The following USF2 variants were observed in gnomAD, a reference collection of about 807,000 sequenced individuals.
USF2 encodes upstream transcription factor 2, c-fos interacting, also known as upstream stimulatory factor 2.
A neutral mutation model predicts 46.9 loss-of-function variants in USF2; 16 were observed. The observed-to-expected ratio is 0.34, with a 90% CI of 0.23 to 0.52. The LOEUF (loss-of-function observed/expected upper bound fraction) is 0.52, where lower values mean the gene tolerates loss of function less well. Ranked by LOEUF, USF2 falls within the 20% of genes least tolerant of loss-of-function variation. USF2 has a pLI of 0.96. For synonymous variants in USF2, 239 were observed against 194.1 expected (o/e 1.23, Z -1.92); for missense variants, 411 against 474.0 (o/e 0.87, Z 1.23).
In USF2 at chr19:35,269,895, C is replaced by G. The variant is rs1197031194; in HGVS notation, c.321C>G (p.Phe107Leu). 2 of 1,401,400 alleles carry G rather than the reference C, an allele frequency of 1.4e-6. No individual in the cohort carries two copies. The highest frequency in any genetic ancestry group is 7.1e-5 in the Admixed American group (2 of 28,030). The allele number at this position is 1,401,400 out of a possible 1,614,324, so 86.8% of individuals were successfully genotyped here. A position where few individuals can be genotyped will look rare whatever the true frequency, so the allele number is the denominator to read the frequency against. ...GAVSVVSTAA[F>L]AGGQQAVTQV... Reference sequence around the variant, plus strand: ...TCAGCGTCGTGTCCACCGCTGCCTTCGCGGGGGGGCAGCAGGCTGTGACCC... The same window carrying G: ...TCAGCGTCGTGTCCACCGCTGCCTTGGCGGGGGGGCAGCAGGCTGTGACCC... The change falls in exon 4 of 10, where the codon TTC becomes TTG. Residue 107 changes from phenylalanine (F) to leucine (L), a missense_variant. Physicochemically the swap from Phe to Leu is conservative, Grantham distance 22. Around this residue, in one of 2 missense-constraint regions of USF2, gnomAD observed 318 missense variants for 322.4 expected, o/e 0.99. Transcript: ENST00000222305.
intron 1 of USF2, 119 bp from the exon 2 acceptor site, chr19:35,269,327 T>C (rs1205912510): frequency 4.8e-5 from 44 of 914,856 alleles, no homozygotes; most frequent in Middle Eastern, 5.5e-4. Context: ...GCCCCCGGCC[T>C]CGGCGGCGCC....
In USF2 at chr19:35,279,316, A is replaced by G; in HGVS notation, c.*60A>G. On this transcript the variant is annotated 3_prime_UTR_variant, in exon 10 of 10. Coordinates refer to ENST00000222305, the MANE Select transcript of USF2 (RefSeq NM_003367.4). ...GCCGGCCTCTGCTGCCCCCTTCCCC[A>G]GCCCTTAGCACAGAGAGGGACACAT... is the stretch of plus-strand genomic sequence containing the variant. 3 of 1,436,816 alleles carry G rather than the reference A, an allele frequency of 2.1e-6. No individual in the cohort carries two copies. The allele number at this position is 1,436,816 out of a possible 1,614,324, so 89.0% of individuals were successfully genotyped here.
chr19:35,278,624 C>A, intron 7 of USF2, 74 bp from the exon 8 acceptor site: 1 of 1,488,364 alleles, frequency 6.7e-7, no homozygotes, highest in Non-Finnish European at 9.4e-7. Flanking sequence ...TTGGGCTGAG[C>A]CTCTGCCCTG....
chr19:35,274,258 C>T (rs368747822), intron 7 of USF2, among the ~76,000 whole-genome samples: 62 of 152,368 alleles, frequency 4.1e-4, no homozygotes, highest in African/African-American at 1.5e-3. Flanking sequence ...GCAGCAAAAG[C>T]TACCCCTGTC....
At chr19:35,270,686 G>C (rs1026412432) in intron 5 of USF2, 32 bp from the exon 6 acceptor site, 1 of 1,613,486 alleles carries the variant, frequency 6.2e-7, no homozygotes, top group Non-Finnish European at 8.5e-7. Flanking sequence ...ACTTCACCCT[G>C]CCTTGCCACT....
chr19:35,270,421 GT>G, intron 4 of USF2, 25 bp from the exon 5 acceptor site: 1 of 1,601,400 alleles, frequency 6.2e-7, no homozygotes, highest in Non-Finnish European at 8.5e-7. Flanking sequence ...AAAGCTAAGG[GT>G]AGCCTCTGCC....
At position 35,269,567 on chromosome 19, in the gene USF2, C is replaced by T; in HGVS notation, c.110-14C>T. ...GCGCGGCCCTGACCGTGCCCCGACC[C>T]TCCTCGGCCCCAGGCGGGGACGGCC... On this transcript the variant is annotated splice_polypyrimidine_tract_variant and intron_variant, in intron 2 of 9. Coordinates refer to ENST00000222305, the MANE Select transcript of USF2 (RefSeq NM_003367.4). 6.4e-7 allele frequency: 1 copy of T among 1,573,582 alleles called. No individual in the cohort carries two copies. Among genetic ancestry groups the T allele is most frequent in the Non-Finnish European group, 8.6e-7 (1 of 1,161,478 alleles).
rs769718741 is a variant in USF2 at position 35,278,792 on chromosome 19, G to A, written c.822G>A (p.Ala274=). ...ACGCAGACAACAGCAAGACGGGAGC[G>A]GTGAGCACCCCGGACCCTCAGTGTC... ...DCNADNSKTG[A]SKGGILSKAC... The change falls in exon 8 of 10, where the codon GCG becomes GCA. Residue 274 remains alanine (A), a splice_region_variant and synonymous_variant. Coordinates refer to ENST00000222305, the MANE Select transcript of USF2 (RefSeq NM_003367.4). 16 of 1,613,968 alleles carry A rather than the reference G, an allele frequency of 9.9e-6. No homozygotes were observed. The highest frequency in any genetic ancestry group is 1.7e-5 in the Admixed American group (1 of 60,012).
At chr19:35,269,424 C>A in intron 1 of USF2, 22 bp from the exon 2 acceptor site, 1 of 1,484,658 alleles carries the variant, frequency 6.7e-7, no homozygotes, top group Non-Finnish European at 8.9e-7. Context: ...GCTGACCCTG[C>A]TCCCTCCTGT....
At position 35,269,545 on chromosome 19, in the gene USF2, C is replaced by T. The variant is rs555094179; in HGVS notation, c.110-36C>T. 241 of 1,557,044 alleles carry T rather than the reference C, an allele frequency of 1.5e-4. 1 individual carries two copies. In the African/African-American group the frequency reaches 2.6e-3, roughly 17 times the overall value. ...CGGGGAGGGCTGGGGGCGCTCGGCG[C>T]GGCCCTGACCGTGCCCCGACCCTCC... On this transcript the variant is annotated intron_variant, in intron 2 of 9. Coordinates refer to ENST00000222305, the MANE Select transcript of USF2 (RefSeq NM_003367.4).
chr19:35,269,600 G>T lies in USF2; in HGVS notation c.129G>T (p.Ala43=). The T allele has an allele frequency of 1.3e-6, 2 of 1,594,432 alleles. No individual in the cohort carries two copies. The highest frequency in any genetic ancestry group is 1.1e-5 in the South Asian group (1 of 88,420). The change falls in exon 3 of 10, where the codon GCG becomes GCT. Residue 43 remains alanine, a synonymous_variant. Coordinates refer to ENST00000222305, the MANE Select transcript of USF2 (RefSeq NM_003367.4). ...CCCCAGGCGGGGACGGCCCAGGAGC[G>T]GAGGAGCAGACAGCGGTGGCCATCA... The part of the protein sequence containing the change: ...ELQEGGDGPG[A]EEQTAVAITS...
chr19:35,278,939 C>T lies in USF2; in HGVS notation c.823-7C>T. 3.2e-6 allele frequency: 5 copies of T among 1,555,246 alleles called. 1 individual carries two copies. In the South Asian group the frequency reaches 4.9e-5, roughly 15 times the overall value. The stretch of plus-strand genomic sequence containing the variant: ...GCCCTAAGGCTCCTGGTCCCCTCGC[C>T]CCCCAGAGTAAAGGAGGGATCCTGT... On this transcript the variant is annotated splice_region_variant and splice_polypyrimidine_tract_variant and intron_variant, in intron 8 of 9. Transcript: ENST00000222305.
Position 35,270,564 on chromosome 19 carries a change from G to A in USF2, c.547G>A (p.Val183Ile), listed in dbSNP as rs759815013. Residue 183 changes from valine (V) to isoleucine (I), a missense_variant, in exon 5 of 10, where the codon GTA becomes ATA. Physicochemically the swap from Val to Ile is conservative, Grantham distance 29 (BLOSUM62 3). Transcript: ENST00000222305. ...TGTGGGAGATACTACGGCTGTGTCC[G>A]TACAGACCACAGACCAGAGCTTGCA... ...SSVGDTTAVS[V>I]QTTDQSLQAG... is the part of the protein sequence containing the mutation. 3.1e-6 allele frequency: 5 copies of A among 1,614,090 alleles called. No homozygotes were observed. The highest frequency in any genetic ancestry group is 4.5e-5 in the East Asian group (2 of 44,888).
At chr19:35,270,027 TG>T (rs150053370) in intron 4 of USF2, 24 bp downstream of exon 4, 169,689 of 1,277,112 alleles carry the variant, frequency 0.13, 11,183 homozygotes, top group South Asian at 0.24. Flanking sequence ...CACCCCTGGG[TG>T]GGGGGGGGAG....
chr19:35,276,024 C>T (rs2066228744), intron 7 of USF2: 1 of 150,666 alleles, frequency 6.6e-6, no homozygotes, highest in Admixed American at 6.6e-5. Flanking sequence ...GTGGATTTGT[C>T]CATTTCTTCC....
At position 35,279,359 on chromosome 19, in the gene USF2, G is replaced by GTT. The variant is rs909947157; in HGVS notation, c.*109_*110dup. The GTT allele has an allele frequency of 8.1e-7, 1 of 1,238,780 alleles. No homozygotes were observed. Among genetic ancestry groups the GTT allele is most frequent in the African/African-American group, 1.6e-5 (1 of 63,576 alleles). 76.7% of individuals were successfully genotyped at this position (1,238,780 alleles called of 1,614,324 possible). ...GGACACATGCCCCTCCCCCAGCTGC[G>GTT]TTTTTTTATAGTAGATTTTTAACAA... On this transcript the variant is annotated 3_prime_UTR_variant, in exon 10 of 10. Transcript: ENST00000222305.
intron 1 of USF2, 43 bp from the exon 2 acceptor site, chr19:35,269,403 G>A (rs2066107045): frequency 1.5e-6 from 2 of 1,357,376 alleles, no homozygotes; most frequent in East Asian, 6.3e-5. Flanking sequence ...GGGGGCGCGG[G>A]CGCGGGCCGC....
At chr19:35,277,035 G>C (rs1339258926) in intron 7 of USF2, 2 of 152,304 alleles carry the variant, frequency 1.3e-5, no homozygotes, top group African/African-American at 2.4e-5. Context: ...AGGCTGAAAC[G>C]AGGCCGCCTG....
intron 7 of USF2, among the ~76,000 whole-genome samples, chr19:35,271,489 G>A (rs2066156107): frequency 6.6e-6 from 1 of 152,140 alleles, no homozygotes; most frequent in South Asian, 2.1e-4. Flanking sequence ...ACCTTTCCAC[G>A]TGGCAGCTGT....
Sources: allele counts gnomAD v4.1 joint callset (sites outside exome capture counted in the v4.1 genomes callset), GRCh38; gene constraint gnomAD v4.1.1; regional missense constraint gnomAD v4.1.1; transcripts MANE v1.5; gene names NCBI Gene and HGNC (gene_info 2026-07-23, HGNC 2026-07-21).